Variants in ATF6 observed in about 807,000 individuals in gnomAD.
ATF6 encodes the protein activating transcription factor 6.
A neutral mutation model predicts 83.6 loss-of-function variants in ATF6; 53 were observed. The ratio of observed to expected loss-of-function variants is 0.63; its 90% CI spans 0.51 to 0.80. The LOEUF (loss-of-function observed/expected upper bound fraction) is 0.80. Ranked by LOEUF, ATF6 falls within the 30% of genes least tolerant of loss-of-function variation. The pLI is 0.00. For missense variants in ATF6, 744 were observed against 797.9 expected, an observed-to-expected ratio of 0.93 and a Z score of 0.81; for synonymous variants, 288 against 285.8, an observed-to-expected ratio of 1.01 and a Z score of -0.08.
chr1:161,943,633 A>T (rs991701983), intron 15 of ATF6, among the ~76,000 whole-genome samples: 1 of 152,088 alleles, frequency 6.6e-6, no homozygotes, highest in Non-Finnish European at 1.5e-5. Flanking sequence ...CAGGGCCTCT[A>T]TACCTGCTCT....
chr1:161,841,642 T>G (rs375075156), intron 9 of ATF6, among the ~76,000 whole-genome samples: 2 of 152,274 alleles, frequency 1.3e-5, no homozygotes, highest in Non-Finnish European at 2.9e-5. Flanking sequence ...TGAAAATACT[T>G]TATTGACTCT....
Position 161,871,013 on chromosome 1 carries a change from T to C in ATF6, c.1719+7701T>C, listed in dbSNP as rs113765444. On this transcript the variant is annotated intron_variant, in intron 14 of 15. Coordinates refer to ENST00000367942, the MANE Select transcript of ATF6 (RefSeq NM_007348.4). ...GTGCAGGGATAAAGTCTATTCATTCTGTTTTGTCTTTTACAAGATCTATTG... is the reference window on the plus strand; with the variant it reads ...GTGCAGGGATAAAGTCTATTCATTCCGTTTTGTCTTTTACAAGATCTATTG... Among the ~76,000 whole-genome samples the C allele has an allele frequency of 2.7e-3, 407 of 151,880 alleles. 3 individuals are homozygous for C. Among genetic ancestry groups the C allele is most frequent in the African/African-American group, 9.1e-3 (378 of 41,530 alleles).
intron 14 of ATF6, 57 bp downstream of exon 14, chr1:161,863,369 A>T (rs1686926632): frequency 1.8e-6 from 2 of 1,110,010 alleles, no homozygotes; most frequent in African/African-American, 3.1e-5. Flanking sequence ...CGTACACAAG[A>T]CATTGGGCTG....
At chr1:161,930,480 A>G (rs997804951) in intron 15 of ATF6, among the ~76,000 whole-genome samples, 5 of 152,208 alleles carry the variant, frequency 3.3e-5, no homozygotes, top group African/African-American at 1.2e-4. Context: ...TTAGAACCTT[A>G]CGTTTCTTTC....
At chr1:161,938,510 T>C (rs1022123861) in intron 15 of ATF6, among the ~76,000 whole-genome samples, 7 of 152,324 alleles carry the variant, frequency 4.6e-5, no homozygotes, top group African/African-American at 1.4e-4. Context: ...ATTTTTCAGA[T>C]GAGAAAAGTT....
At chr1:161,894,739 A>T (rs1244364594) in intron 14 of ATF6, among the ~76,000 whole-genome samples, 1 of 134,728 alleles carries the variant, frequency 7.4e-6, no homozygotes, top group African/African-American at 2.9e-5. Flanking sequence ...TTTAGCAGAG[A>T]CGGGGTTTCA....
chr1:161,783,696 C>T (rs933949968), intron 3 of ATF6, among the ~76,000 whole-genome samples: 1 of 151,908 alleles, frequency 6.6e-6, no homozygotes, highest in Non-Finnish European at 1.5e-5. Flanking sequence ...TTACCAGTTT[C>T]TTCTGTTTAC....
intron 10 of ATF6, among the ~76,000 whole-genome samples, chr1:161,850,906 A>G (rs958548685): frequency 6.6e-6 from 1 of 151,974 alleles, no homozygotes; most frequent in African/African-American, 2.4e-5. Context: ...CTAACTTTCA[A>G]CTCCAGTTTT....
intron 7 of ATF6, among the ~76,000 whole-genome samples, chr1:161,818,070 C>T (rs1685655654): frequency 2.1e-5 from 3 of 144,178 alleles, no homozygotes; most frequent in Admixed American, 1.5e-4. Flanking sequence ...CACCGTACTC[C>T]AGCCTGGGCA....
At chr1:161,806,333 C>T (rs150509507) in intron 7 of ATF6, among the ~76,000 whole-genome samples, 183 of 152,314 alleles carry the variant, frequency 1.2e-3, no homozygotes, top group African/African-American at 4.1e-3. Flanking sequence ...CTTCCACCTA[C>T]CCATCATAAT....
intron 6 of ATF6, among the ~76,000 whole-genome samples, chr1:161,798,628 A>G (rs1685074096): frequency 6.6e-6 from 1 of 152,140 alleles, no homozygotes. Flanking sequence ...AATCAACTAA[A>G]GAGCTTCTGC....
Position 161,870,294 on chromosome 1 carries a change from A to C in ATF6, c.1719+6982A>C, listed in dbSNP as rs188769611. On this transcript the variant is annotated intron_variant, in intron 14 of 15. Transcript: ENST00000367942. ...TATGCTTTCATAATGCTGGAGAATA[A>C]CTTAATGGTTTGAAATATTATAGTA... Among the ~76,000 whole-genome samples the C allele has an allele frequency of 3.9e-5, 6 of 151,972 alleles. No individual in the cohort carries two copies. In the East Asian group the frequency reaches 1.2e-3, roughly 29 times the overall value.
chr1:161,905,035 T>C (rs564273530), intron 14 of ATF6, among the ~76,000 whole-genome samples: 1 of 152,238 alleles, frequency 6.6e-6, no homozygotes, highest in Admixed American at 6.5e-5. Context: ...AACATCAAAA[T>C]TGCTTTGAAA....
intron 14 of ATF6, among the ~76,000 whole-genome samples, chr1:161,898,440 A>G (rs1185480379): frequency 6.6e-6 from 1 of 152,188 alleles, no homozygotes; most frequent in Non-Finnish European, 1.5e-5. Context: ...CTTTTTCTCA[A>G]GGAGCAATAT....
chr1:161,821,121 A>G lies in ATF6; in HGVS notation c.1147A>G (p.Ile383Val), dbSNP rs2101785701. The G allele has an allele frequency of 1.9e-6, 3 of 1,613,168 alleles. No homozygotes were observed. The highest frequency in any genetic ancestry group is 2.5e-6 in the Non-Finnish European group (3 of 1,179,520). The stretch of plus-strand genomic sequence containing the variant: ...AAAGCGAAGAGTTGTCTGTGTGATG[A>G]TAGTATTGGCATTTATAATACTGAA... ...SPKRRVVCVM[I>V]VLAFIILNYG... The change falls in exon 9 of 16, where the codon ATA becomes GTA. Residue 383 changes from isoleucine to valine, a missense_variant. By Grantham distance (29) the Ile-to-Val change is conservative. Transcript: ENST00000367942.
intron 9 of ATF6, chr1:161,840,361 G>A (rs7530997): frequency 0.12 from 18,084 of 152,112 alleles, 1,619 homozygotes; most frequent in East Asian, 0.31. Context: ...TCATCTTAAC[G>A]TAATTTCAGC....
intron 15 of ATF6, among the ~76,000 whole-genome samples, chr1:161,939,632 C>A (rs1688605734): frequency 6.6e-6 from 1 of 152,234 alleles, no homozygotes; most frequent in African/African-American, 2.4e-5. Flanking sequence ...CTGCTGTTCT[C>A]AACATGCTGT....
intron 7 of ATF6, among the ~76,000 whole-genome samples, chr1:161,804,108 T>C (rs1016582511): frequency 2.0e-5 from 3 of 151,520 alleles, no homozygotes; most frequent in South Asian, 2.1e-4. Flanking sequence ...TTTTTTGTTC[T>C]TGCGATAGTT....
chr1:161,884,604 C>T (rs1457469524), intron 14 of ATF6, among the ~76,000 whole-genome samples: 3 of 151,866 alleles, frequency 2.0e-5, no homozygotes, highest in Admixed American at 1.3e-4. Flanking sequence ...ATTAGTCCAG[C>T]GAGATATTTA....
Sources: gnomAD v4.1 joint callset for allele counts (sites outside exome capture counted in the v4.1 genomes callset) on GRCh38, gnomAD v4.1.1 for gene constraint, MANE v1.5 for transcripts, NCBI Gene and HGNC (gene_info 2026-07-23, HGNC 2026-07-21) for gene names.